The following ANKAR variants were observed in gnomAD, a reference collection of about 807,000 sequenced individuals.
ANKAR encodes ankyrin and armadillo repeat-containing protein.
ANKAR carries 136 observed loss-of-function variants against 146.2 expected under a neutral mutation model. The observed-to-expected ratio is 0.93, with a 90% CI of 0.81 to 1.07. The LOEUF is 1.07. Among genes scored for constraint, ANKAR ranks in the 50% least tolerant of loss-of-function variants. ANKAR has a pLI of 0.00. For synonymous variants in ANKAR, 500 were observed against 575.8 expected, an observed-to-expected ratio of 0.87 and a Z score of 1.88; for missense variants, 1,567 against 1,679.9, an observed-to-expected ratio of 0.93 and a Z score of 1.18.
At chr2:189,724,722 T>G (rs1174131413) in intron 12 of ANKAR, among the ~76,000 whole-genome samples, 1 of 152,160 alleles carries the variant, frequency 6.6e-6, no homozygotes, top group Non-Finnish European at 1.5e-5. Context: ...AATAGAGAGA[T>G]AATTAACCTT....
chr2:189,708,956 G>T (rs958455367), intron 9 of ANKAR, among the ~76,000 whole-genome samples: 1 of 152,166 alleles, frequency 6.6e-6, no homozygotes, highest in East Asian at 1.9e-4. Flanking sequence ...ACAAAAATCA[G>T]CTGGGCGTGG....
intron 16 of ANKAR, among the ~76,000 whole-genome samples, chr2:189,731,632 A>G (rs1165532734): frequency 6.6e-6 from 1 of 151,938 alleles, no homozygotes; most frequent in African/African-American, 2.4e-5. Context: ...TCGGCCTCCC[A>G]AAGTGCTGGG....
intron 2 of ANKAR, among the ~76,000 whole-genome samples, chr2:189,686,330 A>C (rs1445286489): frequency 6.6e-6 from 1 of 152,212 alleles, no homozygotes; most frequent in Non-Finnish European, 1.5e-5. Context: ...TTACGACTAC[A>C]AGCAGTTTTC....
At chr2:189,743,913 T>A (rs774217383) in intron 21 of ANKAR, among the ~76,000 whole-genome samples, 17 of 152,270 alleles carry the variant, frequency 1.1e-4, no homozygotes, top group Middle Eastern at 3.4e-3. Context: ...TTAGACTTAG[T>A]GGTTAGTTAC....
At chr2:189,742,077 T>C (rs1166972742) in intron 20 of ANKAR, among the ~76,000 whole-genome samples, 1 of 152,208 alleles carries the variant, frequency 6.6e-6, no homozygotes, top group East Asian at 1.9e-4. Flanking sequence ...GTGGCTTGCC[T>C]CTGAGTGTTC....
At chr2:189,709,785 C>T (rs971118443) in intron 9 of ANKAR, among the ~76,000 whole-genome samples, 11 of 152,110 alleles carry the variant, frequency 7.2e-5, no homozygotes, top group Admixed American at 1.3e-4. Context: ...TGTATCATTT[C>T]GTTGTCTTGT....
At chr2:189,735,246 G>A (rs2042744103) in intron 17 of ANKAR, among the ~76,000 whole-genome samples, 1 of 152,056 alleles carries the variant, frequency 6.6e-6, no homozygotes, top group South Asian at 2.1e-4. Flanking sequence ...TCTGGACCCT[G>A]CATTTGGCTT....
intron 16 of ANKAR, 101 bp from the exon 17 acceptor site, chr2:189,733,006 A>T (rs1038749752): frequency 2.6e-6 from 3 of 1,142,044 alleles, no homozygotes; most frequent in Non-Finnish European, 3.5e-6. Context: ...CAGATTTTAT[A>T]GTATCTTTCC....
At chr2:189,741,513 C>G (rs996832251) in intron 20 of ANKAR, 62 bp downstream of exon 20, 1 of 1,222,456 alleles carries the variant, frequency 8.2e-7, no homozygotes. Context: ...TTACCTCTCC[C>G]TCTGTGGACT....
downstream of ANKAR, chr2:189,747,153 T>C (rs1202209493): frequency 1.3e-5 from 2 of 152,448 alleles, no homozygotes; most frequent in African/African-American, 4.8e-5. Flanking sequence ...CCGGGCAACA[T>C]GGCAAGAGCC....
chr2:189,715,006 A>C, intron 10 of ANKAR, among the ~76,000 whole-genome samples: 1 of 151,374 alleles, frequency 6.6e-6, no homozygotes, highest in East Asian at 1.9e-4. Flanking sequence ...TAAAATTGAC[A>C]CCCTAACATC....
intron 3 of ANKAR, among the ~76,000 whole-genome samples, chr2:189,690,468 T>C (rs1278013854): frequency 2.0e-5 from 3 of 152,184 alleles, no homozygotes; most frequent in Non-Finnish European, 4.4e-5. Flanking sequence ...AATAAACAAA[T>C]AGAGCAATGT....
intron 10 of ANKAR, among the ~76,000 whole-genome samples, chr2:189,713,162 A>T (rs1407746043): frequency 6.6e-6 from 1 of 152,196 alleles, no homozygotes; most frequent in Non-Finnish European, 1.5e-5. Context: ...CTGAAAGTGA[A>T]GGGGAGAATG....
chr2:189,713,914 G>A (rs2040046716), intron 10 of ANKAR, among the ~76,000 whole-genome samples: 1 of 152,172 alleles, frequency 6.6e-6, no homozygotes, highest in Non-Finnish European at 1.5e-5. Context: ...AGGGATGGAG[G>A]AAGATCTACC....
intron 18 of ANKAR, chr2:189,755,637 T>C: frequency 2.8e-6 from 4 of 1,447,838 alleles, no homozygotes; most frequent in Non-Finnish European, 3.7e-6. Flanking sequence ...GCTAAAAGCA[T>C]GTCTTCAAGT....
At chr2:189,750,635 T>C (rs751727685), downstream of ANKAR, 1 of 1,589,504 alleles carries the variant, frequency 6.3e-7, no homozygotes, top group South Asian at 1.2e-5. Flanking sequence ...CTTCTTTTGA[T>C]ATGTCTACTC....
intron 11 of ANKAR, 81 bp downstream of exon 11, chr2:189,719,894 AC>A (rs1466892325): frequency 7.4e-7 from 1 of 1,349,124 alleles, no homozygotes; most frequent in Non-Finnish European, 9.9e-7. Flanking sequence ...AACCCACGTT[AC>A]TATTCAGTGA....
chr2:189,708,723 C>T (rs2262765), intron 9 of ANKAR, among the ~76,000 whole-genome samples: 149,460 of 152,310 alleles, frequency 0.98, 73,392 homozygotes, highest in South Asian at 1. Context: ...ATAACCAAAT[C>T]GTAAGTTGAG....
chr2:189,744,417 C>T (rs887139481), intron 21 of ANKAR, among the ~76,000 whole-genome samples: 2 of 152,162 alleles, frequency 1.3e-5, no homozygotes, highest in Non-Finnish European at 2.9e-5. Context: ...GCCCATGTGA[C>T]GACTTTGTAG....
Sources: gnomAD v4.1 joint callset for allele counts (sites outside exome capture counted in the v4.1 genomes callset) on GRCh38, gnomAD v4.1.1 for gene constraint, MANE v1.5 for transcripts, NCBI Gene and HGNC (gene_info 2026-07-23, HGNC 2026-07-21) for gene names.